Variants in ZNF398 observed in about 807,000 individuals in gnomAD.
ZNF398 encodes the protein zinc finger protein 398.
Under a neutral mutation model 41.9 loss-of-function variants are expected in ZNF398, and 18 were observed. That is an observed-to-expected ratio of 0.43 (90% CI 0.30 to 0.64). The LOEUF is 0.64. ZNF398 is among the 30% of genes least tolerant of loss of function. The probability of loss-of-function intolerance (pLI) is 0.14; values close to 1 mark genes in which losing one functional copy is unlikely to be tolerated. For synonymous variants in ZNF398, 260 were observed against 308.8 expected (o/e 0.84, Z 1.66); for missense variants, 669 against 822.8 (o/e 0.81, Z 2.29).
intron 4 of ZNF398, among the ~76,000 whole-genome samples, chr7:149,171,617 G>A (rs915771386): frequency 6.6e-6 from 1 of 151,540 alleles, no homozygotes; most frequent in Non-Finnish European, 1.5e-5. Flanking sequence ...TGATCCACCC[G>A]CCTCTGACCT....
In ZNF398 at chr7:149,166,884, C is replaced by T. The variant is rs777143208; in HGVS notation, c.615C>T (p.Asp205=). The change falls in exon 4 of 6, where the codon GAC becomes GAT. Residue 205 remains aspartate, a synonymous_variant. Transcript: ENST00000475153. ...IQPEGEHNTE[D]QAGPEESEIP... is the part of the protein sequence containing the mutation. The stretch of plus-strand genomic sequence containing the variant: ...CAGAAGGGGAACATAATACAGAGGA[C>T]CAGGCAGGGCCAGAGGAAAGTGAGA... 7 of 1,613,066 alleles carry T rather than the reference C, an allele frequency of 4.3e-6. No individual in the cohort carries two copies. Among genetic ancestry groups the T allele is most frequent in the Non-Finnish European group, 5.9e-6 (7 of 1,179,308 alleles).
intron 1 of ZNF398, among the ~76,000 whole-genome samples, chr7:149,150,410 G>A (rs563434639): frequency 6.6e-6 from 1 of 152,176 alleles, no homozygotes; most frequent in African/African-American, 2.4e-5. Context: ...ACCAGCCTAG[G>A]CAATATGGTG....
intron 2 of ZNF398, among the ~76,000 whole-genome samples, chr7:149,137,023 T>G (rs1826728783): frequency 6.6e-6 from 1 of 152,060 alleles, no homozygotes; most frequent in Non-Finnish European, 1.5e-5. Flanking sequence ...CCCACCAGCA[T>G]GCCTGGCTAA....
chr7:149,147,546 T>A lies in ZNF398; in HGVS notation c.-197T>A. Reference sequence around the variant, plus strand: ...GACCCCAGCTTGATCCGCCGCCTGCTGCACCGCGCCTCCGCCGCGTTCCTG... The same window carrying A: ...GACCCCAGCTTGATCCGCCGCCTGCAGCACCGCGCCTCCGCCGCGTTCCTG... On this transcript the variant is annotated 5_prime_UTR_variant, in exon 1 of 6. Coordinates refer to ENST00000475153, the MANE Select transcript of ZNF398 (RefSeq NM_170686.3). The surrounding 1 kb of genome is among the most constrained non-coding windows in gnomAD (Gnocchi z 5.6). 2.3e-6 allele frequency: 1 copy of A among 438,128 alleles called. No homozygotes were observed. The highest frequency in any genetic ancestry group is 3.5e-6 in the Non-Finnish European group (1 of 281,938). 27.1% of individuals were successfully genotyped at this position (438,128 alleles called of 1,614,324 possible). A position where few individuals can be genotyped will look rare whatever the true frequency, so the allele number is the denominator to read the frequency against.
chr7:149,129,608 G>A (rs774584811), intron 2 of ZNF398, among the ~76,000 whole-genome samples: 1 of 151,818 alleles, frequency 6.6e-6, no homozygotes, highest in Non-Finnish European at 1.5e-5. Context: ...TCCAACTCCT[G>A]ACCTCAGGTG....
At chr7:149,146,268 A>G (rs1826936234), upstream of ZNF398, among the ~76,000 whole-genome samples, 1 of 152,070 alleles carries the variant, frequency 6.6e-6, no homozygotes, top group South Asian at 2.1e-4. Flanking sequence ...GCTCAGACGC[A>G]GCAAACCGTA....
intron 1 of ZNF398, chr7:149,128,752 C>CG (rs1826534638): frequency 8.1e-5 from 1 of 12,370 alleles, no homozygotes; most frequent in Non-Finnish European, 1.9e-4. Context: ...GACTCTGTCT[C>CG]AAAAAAATAA....
intron 2 of ZNF398, among the ~76,000 whole-genome samples, chr7:149,134,770 G>A (rs535479632): frequency 2.6e-5 from 4 of 152,010 alleles, no homozygotes; most frequent in East Asian, 1.9e-4. Context: ...TGGCTCTGTC[G>A]CCCAGGCGGG....
intron 2 of ZNF398, among the ~76,000 whole-genome samples, chr7:149,135,403 AAAAAAAAAG>A: frequency 6.7e-6 from 1 of 149,766 alleles, no homozygotes; most frequent in Non-Finnish European, 1.5e-5. Flanking sequence ...AAAAAAAAAA[AAAAAAAAAG>A]AAAGAAAGAA....
At chr7:149,165,790 C>T (rs1795215549) in intron 2 of ZNF398, among the ~76,000 whole-genome samples, 1 of 152,130 alleles carries the variant, frequency 6.6e-6, no homozygotes, top group Admixed American at 6.6e-5. Flanking sequence ...ATTTGGATCT[C>T]CTGGAGAGTG....
Position 149,154,158 on chromosome 7 carries a change from A to G in ZNF398, c.238A>G (p.Ser80Gly), listed in dbSNP as rs776738329. The change falls in exon 2 of 6, where the codon AGC (serine) becomes GGC (glycine). Residue 80 changes from serine to glycine, a missense_variant. Physicochemically the swap from Ser to Gly is moderately conservative, Grantham distance 56 (BLOSUM62 0). Transcript: ENST00000475153. The part of the protein sequence containing the change: ...RTGTAEKKLA[S>G]CEKTVTELGN... ...AGGGACAGCAGAGAAGAAACTAGCC[A>G]GCTGTGAAAAGACAGTTACCGAGCT... 2 of 1,614,186 alleles carry G rather than the reference A, an allele frequency of 1.2e-6. No homozygotes were observed. Among genetic ancestry groups the G allele is most frequent in the South Asian group, 1.1e-5 (1 of 91,076 alleles).
chr7:149,136,569 CT>C (rs1002540921), intron 2 of ZNF398, among the ~76,000 whole-genome samples: 1 of 151,206 alleles, frequency 6.6e-6, no homozygotes, highest in Admixed American at 6.6e-5. Flanking sequence ...CATTTAAGTG[CT>C]TTTTTTTTCT....
At chr7:149,146,614 C>T (rs1563155998), upstream of ZNF398, among the ~76,000 whole-genome samples, 1 of 151,536 alleles carries the variant, frequency 6.6e-6, no homozygotes, top group Admixed American at 6.6e-5. Context: ...TTTGGGAGGC[C>T]AAGGCGGGTG....
In ZNF398 at chr7:149,180,339, C is replaced by T. The variant is rs1345399607; in HGVS notation, c.*538C>T. The T allele has an allele frequency of 6.6e-6, 1 of 152,414 alleles. No individual in the cohort carries two copies. The highest frequency in any genetic ancestry group is 1.5e-5 in the Non-Finnish European group (1 of 68,156). 9.4% of individuals were successfully genotyped at this position (152,414 alleles called of 1,614,324 possible). A position where few individuals can be genotyped will look rare whatever the true frequency, so the allele number is the denominator to read the frequency against. ...CAAAACCAGCCAAGATCTGTTCACA[C>T]ACCTCTGTGGCTGTCTTTCCCTGAA... On this transcript the variant is annotated 3_prime_UTR_variant, in exon 6 of 6. Transcript: ENST00000475153.
intron 2 of ZNF398, among the ~76,000 whole-genome samples, chr7:149,157,770 G>A (rs1191675431): frequency 1.3e-5 from 2 of 151,494 alleles, no homozygotes; most frequent in Admixed American, 6.6e-5. Context: ...CTCGGGAGGC[G>A]GAGGTCGCAG....
In ZNF398 at chr7:149,179,828, G is replaced by C; in HGVS notation, c.*27G>C. On this transcript the variant is annotated 3_prime_UTR_variant, in exon 6 of 6. Transcript: ENST00000475153. This position sits in a 1 kb window ranked among gnomAD's most constrained non-coding sequence, Gnocchi z 6.1. ...TCCAAATCTCTGTGGCTTCATGCTT[G>C]TATATGCTCACAGCAGGGCACAAAA... 6.5e-7 allele frequency: 1 copy of C among 1,537,504 alleles called. No homozygotes were observed. Among genetic ancestry groups the C allele is most frequent in the Non-Finnish European group, 8.8e-7 (1 of 1,139,876 alleles).
intron 2 of ZNF398, among the ~76,000 whole-genome samples, chr7:149,132,813 A>C (rs760379920): frequency 6.6e-5 from 10 of 152,066 alleles, no homozygotes; most frequent in Non-Finnish European, 1.5e-4. Flanking sequence ...AAACACACCT[A>C]GTCTCTGGTA....
chr7:149,142,329 T>C (rs1826842539), intron 2 of ZNF398, among the ~76,000 whole-genome samples: 1 of 152,198 alleles, frequency 6.6e-6, no homozygotes, highest in African/African-American at 2.4e-5. Context: ...AGATATATAC[T>C]GTATATATCT....
chr7:149,153,947 A>G lies in ZNF398; in HGVS notation c.27A>G (p.Thr9=), dbSNP rs148018436. 3.5e-3 allele frequency: 5,630 copies of G among 1,608,006 alleles called. 16 individuals carry two copies. The highest frequency in any genetic ancestry group is 4.2e-3 in the Non-Finnish European group (4,965 of 1,177,190). MAEAAPAP[T]SEWDSECLTS... The stretch of plus-strand genomic sequence containing the variant: ...TTCCATCTTTCCACTGCATGCAGAC[A>G]TCTGAATGGGACTCCGAGTGCCTTA... Residue 9 remains threonine, a splice_region_variant and synonymous_variant, in exon 2 of 6, where the codon ACA becomes ACG. Coordinates refer to ENST00000475153, the MANE Select transcript of ZNF398 (RefSeq NM_170686.3).
Sources: allele counts gnomAD v4.1 joint callset (sites outside exome capture counted in the v4.1 genomes callset), GRCh38; gene constraint gnomAD v4.1.1; non-coding constraint Gnocchi (gnomAD v3.1); transcripts MANE v1.5; gene names NCBI Gene and HGNC (gene_info 2026-07-23, HGNC 2026-07-21).